SHC3: variants seen among roughly 807,000 people sequenced by gnomAD.
The protein encoded by SHC3 is SHC adaptor protein 3, also known as SHC-transforming protein 3.
A neutral mutation model predicts 60.4 loss-of-function variants in SHC3; 15 were observed. That is an observed-to-expected ratio of 0.25 (90% CI 0.17 to 0.38). The LOEUF (loss-of-function observed/expected upper bound fraction) is 0.38. SHC3 is among the 10% of genes least tolerant of loss of function. SHC3 has a pLI of 1.00. For missense variants in SHC3, 677 were observed against 786.1 expected (o/e 0.86, Z 1.66); for synonymous variants, 294 against 325.9 (o/e 0.90, Z 1.05).
chr9:89,138,245 A>T (rs1438693142), intron 1 of SHC3, among the ~76,000 whole-genome samples: 1 of 152,248 alleles, frequency 6.6e-6, no homozygotes, highest in African/African-American at 2.4e-5. Context: ...CCATAGAACT[A>T]CGTGAAAGCA....
At chr9:89,092,764 G>GTA (rs747991528) in intron 2 of SHC3, among the ~76,000 whole-genome samples, 1 of 147,938 alleles carries the variant, frequency 6.8e-6, no homozygotes, top group Non-Finnish European at 1.5e-5. Flanking sequence ...GTGTGTGTAT[G>GTA]TGTGTGTGTG....
intron 1 of SHC3, among the ~76,000 whole-genome samples, chr9:89,119,883 A>G (rs1301619499): frequency 1.3e-5 from 2 of 152,256 alleles, no homozygotes; most frequent in Non-Finnish European, 2.9e-5. Context: ...GAGTCATACA[A>G]GGAATTAGAA....
intron 1 of SHC3, among the ~76,000 whole-genome samples, chr9:89,146,843 C>G (rs1826476565): frequency 6.6e-6 from 1 of 152,146 alleles, no homozygotes; most frequent in Non-Finnish European, 1.5e-5. Flanking sequence ...TCACTGCTAG[C>G]ACGGGTATAA....
At chr9:89,169,517 C>T (rs1826838187) in intron 1 of SHC3, among the ~76,000 whole-genome samples, 1 of 152,190 alleles carries the variant, frequency 6.6e-6, no homozygotes, top group African/African-American at 2.4e-5. Flanking sequence ...GAAGGACAGT[C>T]ACCACGTGCC....
At position 89,140,145 on chromosome 9, in the gene SHC3, T is replaced by G. The variant is rs544233932; in HGVS notation, c.475-27519A>C. ...TAAGCAGTCATTGTTTTTAAACCAA[T>G]GAAAGCTTCTTTTTTATATCACAAA... On this transcript the variant is annotated intron_variant, in intron 1 of 11. Coordinates refer to ENST00000375835, the MANE Select transcript of SHC3 (RefSeq NM_016848.6). Among the ~76,000 whole-genome samples, 33 of 152,356 alleles carry G rather than the reference T, an allele frequency of 2.2e-4. 1 individual carries two copies. Among genetic ancestry groups the G allele is most frequent in the Non-Finnish European group, 4.4e-4 (30 of 68,040 alleles).
At chr9:89,177,956 A>G in intron 1 of SHC3, 31 bp downstream of exon 1, 1 of 1,200,508 alleles carries the variant, frequency 8.3e-7, no homozygotes, top group South Asian at 4.1e-5. Flanking sequence ...CAGAACCCCC[A>G]GCCCCCAGGG....
chr9:89,044,048 C>T (rs1048484914), intron 9 of SHC3, among the ~76,000 whole-genome samples: 17 of 152,150 alleles, frequency 1.1e-4, no homozygotes, highest in African/African-American at 1.9e-4. Context: ...CATCTGTTCT[C>T]GATCTGGCTG....
At chr9:89,163,416 A>G (rs1826740341) in intron 1 of SHC3, among the ~76,000 whole-genome samples, 2 of 152,008 alleles carry the variant, frequency 1.3e-5, no homozygotes, top group Non-Finnish European at 2.9e-5. Context: ...ATGAAGCCAT[A>G]AAAAATGATG....
chr9:89,147,865 TCACCCAGA>T (rs1826492499), intron 1 of SHC3, among the ~76,000 whole-genome samples: 1 of 152,130 alleles, frequency 6.6e-6, no homozygotes. Flanking sequence ...CCTTGCCCCA[TCACCCAGA>T]CACCCAGCAC....
At chr9:89,157,680 A>G (rs867011847) in intron 1 of SHC3, among the ~76,000 whole-genome samples, 1 of 152,026 alleles carries the variant, frequency 6.6e-6, no homozygotes, top group Admixed American at 6.6e-5. Context: ...CAGTGGTGCA[A>G]TCATAGCTCA....
intron 9 of SHC3, among the ~76,000 whole-genome samples, chr9:89,043,678 G>T (rs1824727785): frequency 6.6e-6 from 1 of 151,490 alleles, no homozygotes; most frequent in Non-Finnish European, 1.5e-5. Context: ...TTGAGGCAGG[G>T]TCTCATTCTG....
intron 2 of SHC3, among the ~76,000 whole-genome samples, chr9:89,086,629 T>C (rs150728822): frequency 2.0e-5 from 3 of 152,278 alleles, no homozygotes; most frequent in East Asian, 3.9e-4. Flanking sequence ...TCATTAACCA[T>C]TGGTGATCAC....
At chr9:89,118,476 C>A (rs1439093175) in intron 1 of SHC3, among the ~76,000 whole-genome samples, 1 of 151,942 alleles carries the variant, frequency 6.6e-6, no homozygotes, top group Admixed American at 6.6e-5. Context: ...CAAATATCAG[C>A]AAAACAAAAT....
intron 1 of SHC3, among the ~76,000 whole-genome samples, chr9:89,133,005 A>ACCC (rs1354593462): frequency 9.9e-5 from 15 of 152,174 alleles, no homozygotes; most frequent in African/African-American, 3.6e-4. Flanking sequence ...TTTACAATCT[A>ACCC]CCCATCTGAC....
intron 1 of SHC3, among the ~76,000 whole-genome samples, chr9:89,118,717 C>T (rs1175868060): frequency 6.6e-6 from 1 of 151,460 alleles, no homozygotes; most frequent in Non-Finnish European, 1.5e-5. Flanking sequence ...GGACAAATAA[C>T]ATCATCAAAA....
chr9:89,067,357 G>A (rs1372520143), intron 5 of SHC3, among the ~76,000 whole-genome samples: 1 of 152,152 alleles, frequency 6.6e-6, no homozygotes, highest in Non-Finnish European at 1.5e-5. Context: ...CAGTGTTTGA[G>A]GTGGCACCAG....
At chr9:89,075,347 A>T in intron 3 of SHC3, 119 bp from the exon 4 acceptor site, 2 of 1,346,884 alleles carry the variant, frequency 1.5e-6, no homozygotes, top group Non-Finnish European at 2.0e-6. Context: ...AGGCATAAGA[A>T]GACAAAATGT....
At chr9:89,062,291 A>G (rs1254842004) in intron 6 of SHC3, among the ~76,000 whole-genome samples, 1 of 152,224 alleles carries the variant, frequency 6.6e-6, no homozygotes, top group Non-Finnish European at 1.5e-5. Context: ...AGGTGCCAGT[A>G]GTCATCACCT....
intron 11 of SHC3, among the ~76,000 whole-genome samples, chr9:89,023,937 C>T (rs2118649356): frequency 6.6e-6 from 1 of 152,348 alleles, no homozygotes. Context: ...TCCCACACAT[C>T]CAGGCCCCAT....
Sources: allele counts gnomAD v4.1 joint callset (sites outside exome capture counted in the v4.1 genomes callset), GRCh38; gene constraint gnomAD v4.1.1; transcripts MANE v1.5; gene names NCBI Gene and HGNC (gene_info 2026-07-23, HGNC 2026-07-21).